The following LILRA2 variants were observed in gnomAD, a reference collection of about 807,000 sequenced individuals.
The protein encoded by LILRA2 is leukocyte immunoglobulin like receptor A2.
Under a neutral mutation model 47.9 loss-of-function variants are expected in LILRA2, and 45 were observed. The ratio of observed to expected loss-of-function variants is 0.94; its 90% confidence interval spans 0.74 to 1.20. The LOEUF (loss-of-function observed/expected upper bound fraction) is 1.20. Among genes scored for constraint, LILRA2 ranks in the 50% most tolerant of loss-of-function variants. LILRA2 has a pLI of 0.00. For missense variants in LILRA2, 651 were observed against 598.2 expected, an observed-to-expected ratio of 1.09 and a Z score of -0.92; for synonymous variants, 279 against 249.2, an observed-to-expected ratio of 1.12 and a Z score of -1.13.
At position 54,574,975 on chromosome 19, in the gene LILRA2, C is replaced by T; in HGVS notation, c.597C>T (p.Asp199=). ...RRWSYRCYAY[D]SNSPYVWSLP... ...GGTCGTACAGGTGCTATGCTTATGACTCGAACTCTCCCTATGTGTGGTCTC... is the reference window on the plus strand; with the variant it reads ...GGTCGTACAGGTGCTATGCTTATGATTCGAACTCTCCCTATGTGTGGTCTC... The change falls in exon 4 of 8, where the codon GAC becomes GAT. Residue 199 remains aspartate, a synonymous_variant. Transcript: ENST00000391738. The T allele has an allele frequency of 1.9e-6, 3 of 1,614,260 alleles. No individual in the cohort carries two copies. The highest frequency in any genetic ancestry group is 2.5e-6 in the Non-Finnish European group (3 of 1,180,034).
In LILRA2 at chr19:54,578,564, T is replaced by A. The variant is rs151058371; in HGVS notation, c.1255+2455T>A. 6.3e-3 allele frequency among the ~76,000 whole-genome samples: 956 copies of A among 152,328 alleles called. 8 individuals carry two copies. The highest frequency in any genetic ancestry group is 0.022 in the African/African-American group (908 of 41,566). On this transcript the variant is annotated intron_variant, in intron 6 of 7. Coordinates refer to ENST00000391738, the MANE Select transcript of LILRA2 (RefSeq NM_001130917.3). ...TGGTTCCAAGTCTTTGCTATTGTGA[T>A]TAGTGCCACAGTAAACATATGTGTG...
rs748725622 is a variant in LILRA2, at chr19:54,575,047, A to C, written c.655+14A>C. 4 of 1,609,402 alleles carry C rather than the reference A, an allele frequency of 2.5e-6. No individual in the cohort carries two copies. The highest frequency in any genetic ancestry group is 3.4e-6 in the Non-Finnish European group (4 of 1,177,238). ...TCCTGGTCCCAGGTGAGAAATTCACAGAATTGCTTGGAGTTCCCTGAGTCT... is the reference window on the plus strand; with the variant it reads ...TCCTGGTCCCAGGTGAGAAATTCACCGAATTGCTTGGAGTTCCCTGAGTCT... On this transcript the variant is annotated intron_variant, in intron 4 of 7. Transcript: ENST00000391738.
At chr19:54,583,733 G>T (rs111352578) in intron 6 of LILRA2, among the ~76,000 whole-genome samples, 2 of 151,896 alleles carry the variant, frequency 1.3e-5, no homozygotes, top group African/African-American at 4.8e-5. Context: ...CCAATTTGCT[G>T]GTCTGTGTCT....
rs534055815 is a variant in LILRA2 at position 54,586,403 on chromosome 19, G to A, written c.1256-607G>A. On this transcript the variant is annotated intron_variant, in intron 6 of 7. Transcript: ENST00000391738. ...TGTGTGGGTGGGTGTGCATGCACGT[G>A]TATTGCATTCTAGGGGTTACTGCCT... Among the ~76,000 whole-genome samples, 13 of 152,262 alleles carry A rather than the reference G, an allele frequency of 8.5e-5. No individual in the cohort carries two copies. The South Asian group carries it at 1.3e-3, about 15-fold the overall frequency.
At chr19:54,579,275 TA>T (rs1422848640) in intron 6 of LILRA2, among the ~76,000 whole-genome samples, 2 of 152,188 alleles carry the variant, frequency 1.3e-5, no homozygotes, top group Non-Finnish European at 2.9e-5. Context: ...CATCTTGACT[TA>T]ATTATCGTAT....
chr19:54,583,792 G>T (rs537513464), intron 6 of LILRA2, among the ~76,000 whole-genome samples: 1 of 152,148 alleles, frequency 6.6e-6, no homozygotes, highest in Admixed American at 6.5e-5. Flanking sequence ...ATACTGTTAT[G>T]TTTGAGTTTG....
chr19:54,576,959 C>A (rs1169795348), intron 6 of LILRA2, among the ~76,000 whole-genome samples: 1 of 152,392 alleles, frequency 6.6e-6, no homozygotes, highest in South Asian at 2.1e-4. Context: ...CATTTCTGAC[C>A]TTCTGGGGCA....
chr19:54,578,562 G>A (rs2062547675), intron 6 of LILRA2, among the ~76,000 whole-genome samples: 1 of 152,200 alleles, frequency 6.6e-6, no homozygotes, highest in Non-Finnish European at 1.5e-5. Context: ...TTGCTATTGT[G>A]ATTAGTGCCA....
rs1165880109 is a variant in LILRA2, at chr19:54,577,045, GAGACTTGT to G, written c.1255+937_1255+944del. ...CCCTCTCCTAATTCTCCCAATAACT[GAGACTTGT>G]TAAGAGTTAAAAAACCAACGGAGAT... On this transcript the variant is annotated intron_variant, in intron 6 of 7. Transcript: ENST00000391738. Among the ~76,000 whole-genome samples, 400 of 150,936 alleles carry G rather than the reference GAGACTTGT, an allele frequency of 2.7e-3. No individual in the cohort carries two copies. In the South Asian group the frequency reaches 0.056, roughly 21 times the overall value.
rs1435298381 is a variant in LILRA2, at chr19:54,575,803, C to G, written c.953-4C>G. On this transcript the variant is annotated splice_region_variant and splice_polypyrimidine_tract_variant and intron_variant, in intron 5 of 7. Transcript: ENST00000391738. ...AGCCCCTCACCCATCCTTCTTCTCTCTAGGACAGTTCTATGACAGACCCTC... is the reference window on the plus strand; with the variant it reads ...AGCCCCTCACCCATCCTTCTTCTCTGTAGGACAGTTCTATGACAGACCCTC... 9.9e-6 allele frequency: 16 copies of G among 1,613,304 alleles called. No individual in the cohort carries two copies. The highest frequency in any genetic ancestry group is 1.7e-5 in the Admixed American group (1 of 59,898).
intron 6 of LILRA2, among the ~76,000 whole-genome samples, chr19:54,578,346 T>C (rs1052145653): frequency 6.6e-6 from 1 of 152,112 alleles, no homozygotes; most frequent in African/African-American, 2.4e-5. Flanking sequence ...TTCTCATTGT[T>C]CAACTCCCAT....
Position 54,584,812 on chromosome 19 carries a change from T to C in LILRA2, c.1256-2198T>C, listed in dbSNP as rs76813529. 9.3e-3 allele frequency among the ~76,000 whole-genome samples: 1,423 copies of C among 152,328 alleles called. 23 individuals carry two copies. Among genetic ancestry groups the C allele is most frequent in the African/African-American group, 0.033 (1,355 of 41,572 alleles). ...ACTCATTCTTCATCCAGTCTTGTTC[T>C]GTTGCCGGTGAGGAGCTGCGATCCT... On this transcript the variant is annotated intron_variant, in intron 6 of 7. Transcript: ENST00000391738.
intron 6 of LILRA2, among the ~76,000 whole-genome samples, chr19:54,579,638 A>C (rs542331625): frequency 1.3e-5 from 2 of 152,034 alleles, no homozygotes; most frequent in Admixed American, 6.6e-5. Context: ...TTTTCCAATT[A>C]TGTGAAGAAA....
At chr19:54,582,023 T>G (rs1246406513) in intron 6 of LILRA2, among the ~76,000 whole-genome samples, 1 of 152,192 alleles carries the variant, frequency 6.6e-6, no homozygotes, top group Non-Finnish European at 1.5e-5. Context: ...TCTGCATCTA[T>G]TAAGATAATC....
rs545926118 is a variant in LILRA2, at chr19:54,586,058, A to C, written c.1256-952A>C. Among the ~76,000 whole-genome samples, 11 of 152,158 alleles carry C rather than the reference A, an allele frequency of 7.2e-5. No individual in the cohort carries two copies. In the South Asian group the frequency reaches 1.3e-3, roughly 18 times the overall value. ...AATTTCTGGTACAATTTTAGAAATC[A>C]TAATACATGGAAATTTTATTTCTTT... is the stretch of plus-strand genomic sequence containing the variant. On this transcript the variant is annotated intron_variant, in intron 6 of 7. Transcript: ENST00000391738.
chr19:54,577,377 G>A (rs2062496189), intron 6 of LILRA2: 2 of 1,065,400 alleles, frequency 1.9e-6, no homozygotes, highest in Non-Finnish European at 2.4e-6. Flanking sequence ...GGAAGATGCT[G>A]GGGCTGATGG....
At chr19:54,575,096 G>A (rs888170659) in intron 4 of LILRA2, 63 bp downstream of exon 4, 4 of 1,580,626 alleles carry the variant, frequency 2.5e-6, no homozygotes, top group African/African-American at 2.7e-5. Flanking sequence ...GGCAGGTGGG[G>A]AGCAGCCGCG....
chr19:54,579,813 GA>G (rs2062588383), intron 6 of LILRA2, among the ~76,000 whole-genome samples: 1 of 152,138 alleles, frequency 6.6e-6, no homozygotes, highest in Non-Finnish European at 1.5e-5. Context: ...TCTCTTTGAA[GA>G]GGTCCTTCAC....
chr19:54,587,499 G>A lies in LILRA2; in HGVS notation c.*153G>A, dbSNP rs1042002469. 7.2e-6 allele frequency: 9 copies of A among 1,252,706 alleles called. No homozygotes were observed. The Middle Eastern group carries it at 6.1e-4, about 86-fold the overall frequency. The allele number at this position is 1,252,706 out of a possible 1,614,324, so 77.6% of individuals were successfully genotyped here. A position where few individuals can be genotyped will look rare whatever the true frequency, so the allele number is the denominator to read the frequency against. On this transcript the variant is annotated 3_prime_UTR_variant, in exon 8 of 8. Coordinates refer to ENST00000391738, the MANE Select transcript of LILRA2 (RefSeq NM_001130917.3). Reference sequence around the variant, plus strand: ...ACAGCAATCAATATTTGAGTGTAAGGAAACTGTCTGGGGTGATTCCTAGAA... The same window carrying A: ...ACAGCAATCAATATTTGAGTGTAAGAAAACTGTCTGGGGTGATTCCTAGAA...
Sources: allele counts gnomAD v4.1 joint callset (sites outside exome capture counted in the v4.1 genomes callset), GRCh38; gene constraint gnomAD v4.1.1; transcripts MANE v1.5; gene names NCBI Gene and HGNC (gene_info 2026-07-23, HGNC 2026-07-21).